The following SLC12A5 variants were observed in gnomAD, a reference collection of about 807,000 sequenced individuals.
The protein encoded by SLC12A5 is K-Cl cotransporter 2.
SLC12A5 carries 18 observed loss-of-function variants against 124.0 expected under a neutral mutation model. The ratio of observed to expected loss-of-function variants is 0.15; its 90% CI spans 0.10 to 0.22. The LOEUF (loss-of-function observed/expected upper bound fraction) is 0.22. Ranked by LOEUF, SLC12A5 falls within the 10% of genes least tolerant of loss-of-function variation. The pLI is 1.00. For missense variants in SLC12A5, 867 were observed against 1,478.7 expected (o/e 0.59, Z 6.78); for synonymous variants, 589 against 568.0 (o/e 1.04, Z -0.53).
At chr20:46,047,416 G>T (rs1185691002) in intron 14 of SLC12A5, 38 bp from the exon 15 acceptor site, 1 of 1,607,612 alleles carries the variant, frequency 6.2e-7, no homozygotes. Flanking sequence ...CAACAGCCCT[G>T]CTGGGGCTCA....
intron 7 of SLC12A5, 110 bp downstream of exon 7, chr20:46,040,724 T>C: frequency 1.3e-6 from 2 of 1,514,506 alleles, no homozygotes; most frequent in African/African-American, 1.4e-5. Context: ...CAGAGTGGTG[T>C]GGGTTGGGAG....
intron 1 of SLC12A5, chr20:46,022,206 C>A (rs1769315913): frequency 3.9e-6 from 1 of 253,692 alleles, no homozygotes; most frequent in African/African-American, 2.3e-5. Flanking sequence ...GAGAGTAGGC[C>A]GTAGGGCACT....
chr20:46,054,314 C>A (rs2084671628), intron 20 of SLC12A5, among the ~76,000 whole-genome samples: 1 of 152,232 alleles, frequency 6.6e-6, no homozygotes, highest in South Asian at 2.1e-4. Flanking sequence ...TATGTGCAGT[C>A]TGCCATTGAC....
intron 1 of SLC12A5, among the ~76,000 whole-genome samples, chr20:46,031,832 C>T (rs78755969): frequency 0.027 from 4,086 of 152,322 alleles, 104 homozygotes; most frequent in African/African-American, 0.071. Flanking sequence ...GCCTCTCGCG[C>T]GCGCGCCGCT....
At chr20:46,046,043 C>G (rs6032633) in intron 13 of SLC12A5, 47 bp downstream of exon 13, 5 of 1,559,228 alleles carry the variant, frequency 3.2e-6, no homozygotes, top group Admixed American at 3.3e-5. Flanking sequence ...GGGTGTTTCT[C>G]TATCTGAATC....
intron 18 of SLC12A5, 111 bp from the exon 19 acceptor site, chr20:46,052,846 G>C: frequency 8.1e-7 from 1 of 1,239,512 alleles, no homozygotes; most frequent in Non-Finnish European, 1.1e-6. Flanking sequence ...GCCAAGGCCA[G>C]TTGGAGTGGG....
intron 2 of SLC12A5, 36 bp downstream of exon 2, chr20:46,035,078 T>A (rs2084485458): frequency 6.3e-7 from 1 of 1,596,376 alleles, no homozygotes. Context: ...CCACCTACAA[T>A]TCATTATCCT....
At position 46,041,409 on chromosome 20, in the gene SLC12A5, C is replaced by T. The variant is rs780957586; in HGVS notation, c.935C>T (p.Thr312Met). ...AAGCTGGCTTGGGAAGGAAATGAGACGGTGACCACACGGCTATGGGGCCTT... is the reference window on the plus strand; with the variant it reads ...AAGCTGGCTTGGGAAGGAAATGAGATGGTGACCACACGGCTATGGGGCCTT... The part of the protein sequence containing the change: ...CAKLAWEGNE[T>M]VTTRLWGLFC... The change falls in exon 8 of 26, where the codon ACG becomes ATG. Residue 312 changes from threonine to methionine, a missense_variant. Thr to Met is a moderately conservative substitution (Grantham distance 81). Transcript: ENST00000243964. 8 of 1,614,036 alleles carry T rather than the reference C, an allele frequency of 5.0e-6. No individual in the cohort carries two copies. The highest frequency in any genetic ancestry group is 3.3e-5 in the Admixed American group (2 of 60,008).
At position 46,053,694 on chromosome 20, in the gene SLC12A5, C is replaced by T. The variant is rs1053574223; in HGVS notation, c.2664C>T (p.Val888=). The change falls in exon 20 of 26, where the codon GTC becomes GTT. Residue 888 remains valine, a synonymous_variant. Coordinates refer to ENST00000243964, the MANE Select transcript of SLC12A5 (RefSeq NM_020708.5). The surrounding 1 kb of genome is among the most constrained non-coding windows in gnomAD (Gnocchi z 4.7). ...FLYHLRITAE[V]EVVEMHESDI... ...ATCATTTACGCATCACTGCGGAGGT[C>T]GAGGTGGTGGAGATGGTGAGTCCCC... The T allele has an allele frequency of 2.8e-5, 45 of 1,596,376 alleles. No homozygotes were observed. Among genetic ancestry groups the T allele is most frequent in the Non-Finnish European group, 3.4e-5 (40 of 1,168,254 alleles).
intron 21 of SLC12A5, among the ~76,000 whole-genome samples, chr20:46,055,619 GA>G (rs1392770461): frequency 6.6e-6 from 1 of 152,154 alleles, no homozygotes; most frequent in Non-Finnish European, 1.5e-5. Context: ...GCTGGGGACA[GA>G]AGGGCTCCTG....
At position 46,035,874 on chromosome 20, in the gene SLC12A5, T is replaced by C. The variant is rs758760799; in HGVS notation, c.377T>C (p.Ile126Thr). The change falls in exon 4 of 26, where the codon ATT (isoleucine) becomes ACT (threonine). Residue 126 changes from isoleucine (I) to threonine (T), a missense_variant. This residue lies in a region of SLC12A5 where 126 missense variants were observed against 291.6 expected (regional missense o/e 0.43). Coordinates refer to ENST00000243964, the MANE Select transcript of SLC12A5 (RefSeq NM_020708.5). ...CTGCGGCTCACCTGGGTGGTGGGCA[T>C]TGCAGGCATCATGGAGTCCTTCTGC... ...LFLRLTWVVG[I>T]AGIMESFCMV... 1.2e-6 allele frequency: 2 copies of C among 1,614,086 alleles called. No homozygotes were observed. Among genetic ancestry groups the C allele is most frequent in the Non-Finnish European group, 1.7e-6 (2 of 1,179,964 alleles).
intron 14 of SLC12A5, 37 bp downstream of exon 14, chr20:46,046,473 T>A: frequency 6.4e-7 from 1 of 1,572,982 alleles, no homozygotes; most frequent in Non-Finnish European, 8.8e-7. Flanking sequence ...CTGAGCCACT[T>A]GCTCACCTCC....
chr20:46,057,901 G>T lies in SLC12A5; in HGVS notation c.*296G>T. The T allele has an allele frequency of 3.0e-6, 1 of 338,474 alleles. No homozygotes were observed. The highest frequency in any genetic ancestry group is 6.4e-5 in the South Asian group (1 of 15,508). 21.0% of individuals were successfully genotyped at this position (338,474 alleles called of 1,614,324 possible). The stretch of plus-strand genomic sequence containing the variant: ...ACGCTGCAATAAAGGTTGGGAGAAG[G>T]CGCGGAAAGGAGAGGAGCTGGGGCC... On this transcript the variant is annotated 3_prime_UTR_variant, in exon 26 of 26. Transcript: ENST00000243964. This position sits in a 1 kb window ranked among gnomAD's most constrained non-coding sequence, Gnocchi z 7.1.
chr20:46,023,773 G>A (rs960447415), downstream of SLC12A5, among the ~76,000 whole-genome samples: 7 of 152,238 alleles, frequency 4.6e-5, no homozygotes, highest in South Asian at 4.1e-4. Flanking sequence ...GATGGCAGTC[G>A]TTTTCTTTAC....
At position 46,057,225 on chromosome 20, in the gene SLC12A5, G is replaced by T. The variant is rs763066735; in HGVS notation, c.3181G>T (p.Val1061Leu). 4.3e-6 allele frequency: 7 copies of T among 1,614,088 alleles called. No individual in the cohort carries two copies. In the African/African-American group the frequency reaches 9.3e-5, roughly 22 times the overall value. The change falls in exon 25 of 26, where the codon GTG (valine) becomes TTG (leucine). Residue 1061 changes from valine to leucine, a missense_variant. Transcript: ENST00000243964. The surrounding 1 kb of genome is among the most constrained non-coding windows in gnomAD (Gnocchi z 7.1). ...GGCCGTGCGGCTGAACGAGGTCATCGTGAAGAAATCCCGGGACGCCAAGCT... is the reference window on the plus strand; with the variant it reads ...GGCCGTGCGGCTGAACGAGGTCATCTTGAAGAAATCCCGGGACGCCAAGCT... Reference protein sequence around the residue: ...HTAVRLNEVIVKKSRDAKLVL... With the variant: ...HTAVRLNEVILKKSRDAKLVL...
upstream of SLC12A5, among the ~76,000 whole-genome samples, chr20:46,024,728 C>T (rs986547356): frequency 6.6e-6 from 1 of 152,212 alleles, no homozygotes; most frequent in African/African-American, 2.4e-5. Context: ...AAGGCAAGGC[C>T]AAGCCTCAAA....
chr20:46,024,259 A>C (rs558876660), upstream of SLC12A5, among the ~76,000 whole-genome samples: 1 of 152,160 alleles, frequency 6.6e-6, no homozygotes, highest in South Asian at 2.1e-4. Flanking sequence ...CTATATTGCC[A>C]GCACGTTGAA....
rs2145508065 is a variant in SLC12A5 at position 46,056,454 on chromosome 20, T to G, written c.3000T>G (p.Asp1000Glu). Residue 1000 changes from aspartate (D) to glutamate (E), a missense_variant, in exon 23 of 26, where the codon GAT becomes GAG. By Grantham distance (45) the Asp-to-Glu change is conservative. This residue lies in a region of SLC12A5 where 180 missense variants were observed against 243.6 expected (regional missense o/e 0.74). Coordinates refer to ENST00000243964, the MANE Select transcript of SLC12A5 (RefSeq NM_020708.5). This position sits in a 1 kb window ranked among gnomAD's most constrained non-coding sequence, Gnocchi z 4.3. ...AGCCTGAGGGGGAAGGGGAGACAGA[T>G]CCGGAGAAGGTGCATCTCACCTGGA... ...GEEPEGEGET[D>E]PEKVHLTWTK... 6.2e-7 allele frequency: 1 copy of G among 1,614,040 alleles called. No homozygotes were observed. Among genetic ancestry groups the G allele is most frequent in the African/African-American group, 1.3e-5 (1 of 74,998 alleles).
intron 6 of SLC12A5, 73 bp downstream of exon 6, chr20:46,037,458 C>G: frequency 6.8e-7 from 1 of 1,470,354 alleles, no homozygotes; most frequent in Non-Finnish European, 9.1e-7. Flanking sequence ...TGGACACCTC[C>G]TATAGGCCAG....
Sources: allele counts gnomAD v4.1 joint callset (sites outside exome capture counted in the v4.1 genomes callset), GRCh38; gene constraint gnomAD v4.1.1; regional missense constraint gnomAD v4.1.1; non-coding constraint Gnocchi (gnomAD v3.1); transcripts MANE v1.5; gene names NCBI Gene and HGNC (gene_info 2026-07-23, HGNC 2026-07-21).